BPTF: variants seen among roughly 807,000 people sequenced by gnomAD.
BPTF encodes the protein bromodomain PHD finger transcription factor, also known as nucleosome-remodeling factor subunit BPTF.
In BPTF, 18 loss-of-function variants were observed where a neutral mutation model predicts 292.5. That is an observed-to-expected ratio of 0.06 (90% CI 0.04 to 0.09). The LOEUF (loss-of-function observed/expected upper bound fraction) is 0.09. Among genes scored for constraint, BPTF ranks in the 10% least tolerant of loss-of-function variants. BPTF has a pLI of 1.00. For synonymous variants in BPTF, 1,225 were observed against 1,251.9 expected, an observed-to-expected ratio of 0.98 and a Z score of 0.45; for missense variants, 2,726 against 3,498.7, an observed-to-expected ratio of 0.78 and a Z score of 5.57.
chr17:67,930,677 C>A (rs1467278741), intron 17 of BPTF, among the ~76,000 whole-genome samples: 1 of 152,130 alleles, frequency 6.6e-6, no homozygotes, highest in Non-Finnish European at 1.5e-5. Flanking sequence ...GGGGCAGTAG[C>A]TCAAGCCTGT....
intron 4 of BPTF, among the ~76,000 whole-genome samples, chr17:67,884,138 CTTTTT>C (rs200471908): frequency 8.8e-4 from 118 of 134,476 alleles, no homozygotes; most frequent in African/African-American, 2.9e-3. Flanking sequence ...CATTTTCTTT[CTTTTT>C]TTTTTTTTTT....
chr17:67,875,936 CTCA>C (rs2092080512), intron 4 of BPTF, among the ~76,000 whole-genome samples: 1 of 152,166 alleles, frequency 6.6e-6, no homozygotes. Context: ...GTGCTTGAAA[CTCA>C]TCATAATTTT....
rs2062011664 is a variant in BPTF, at chr17:67,903,904, C to T, written c.2659C>T (p.Pro887Ser). 6.3e-7 allele frequency: 1 copy of T among 1,584,220 alleles called. No individual in the cohort carries two copies. The highest frequency in any genetic ancestry group is 8.5e-7 in the Non-Finnish European group (1 of 1,172,046). ...QQATWVKYTFPVKHQVWKQKG... is the reference protein window; with the variant it reads ...QQATWVKYTFSVKHQVWKQKG... The stretch of plus-strand genomic sequence containing the variant: ...AGCGACATGGGTAAAATACACATTT[C>T]CAGTTAAGCATCAGGTAATTTTTAC... Residue 887 changes from proline to serine, a missense_variant, in exon 8 of 28, where the codon CCA becomes TCA. By Grantham distance (74) the Pro-to-Ser change is moderately conservative. Around this residue, in one of 22 missense-constraint regions of BPTF, gnomAD observed 99 missense variants for 227.1 expected, o/e 0.44. Coordinates refer to ENST00000306378, the MANE Select transcript of BPTF (RefSeq NM_182641.4).
intron 7 of BPTF, among the ~76,000 whole-genome samples, chr17:67,895,214 TC>T (rs986940975): frequency 1.2e-4 from 18 of 151,144 alleles, no homozygotes; most frequent in African/African-American, 4.1e-4. Context: ...ATGCCTGTAG[TC>T]CCAGGTACTC....
chr17:67,953,401 G>A (rs1474448219), intron 23 of BPTF, among the ~76,000 whole-genome samples: 39 of 151,050 alleles, frequency 2.6e-4, no homozygotes, highest in African/African-American at 8.8e-4. Flanking sequence ...GATTACAGGC[G>A]CCCACCACTG....
At chr17:67,973,347 C>T in intron 26 of BPTF, among the ~76,000 whole-genome samples, 1 of 150,434 alleles carries the variant, frequency 6.6e-6, no homozygotes, top group East Asian at 2.0e-4. Context: ...GCACTCCAGC[C>T]TGGGCGACAG....
rs924482113 is a variant in BPTF, at chr17:67,947,751, T to C, written c.7643T>C (p.Ile2548Thr). Residue 2548 changes from isoleucine to threonine, a missense_variant, in exon 22 of 28, where the codon ATA (isoleucine) becomes ACA (threonine). Transcript: ENST00000306378. ...KQVVMKHNAVIEHLKQKKSMT... is the reference protein window; with the variant it reads ...KQVVMKHNAVTEHLKQKKSMT... Reference sequence around the variant, plus strand: ...GTGGTGATGAAGCATAATGCTGTAATAGAACATTTAAAACAGAAAAAGAGC... The same window carrying C: ...GTGGTGATGAAGCATAATGCTGTAACAGAACATTTAAAACAGAAAAAGAGC... The C allele has an allele frequency of 6.4e-7, 1 of 1,554,994 alleles. No homozygotes were observed. Among genetic ancestry groups the C allele is most frequent in the Non-Finnish European group, 8.7e-7 (1 of 1,148,446 alleles).
In BPTF at chr17:67,893,568, G is replaced by A. The variant is rs1471771754; in HGVS notation, c.2254G>A (p.Ala752Thr). The A allele has an allele frequency of 6.2e-7, 1 of 1,613,894 alleles. No homozygotes were observed. The highest frequency in any genetic ancestry group is 8.5e-7 in the Non-Finnish European group (1 of 1,179,808). The stretch of plus-strand genomic sequence containing the variant: ...AGACCATGATAAGAGAAGGCATCTT[G>A]CACATAAGTTCTGTCTGACTCCAGC... ...REDHDKRRHL[A>T]HKFCLTPAGE... Residue 752 changes from alanine to threonine, a missense_variant, in exon 6 of 28, where the codon GCA becomes ACA. Physicochemically the swap from Ala to Thr is moderately conservative, Grantham distance 58. Around this residue, in one of 22 missense-constraint regions of BPTF, gnomAD observed 99 missense variants for 227.1 expected, o/e 0.44. Coordinates refer to ENST00000306378, the MANE Select transcript of BPTF (RefSeq NM_182641.4).
At chr17:67,867,591 A>C (rs2059462281) in intron 3 of BPTF, among the ~76,000 whole-genome samples, 1 of 152,122 alleles carries the variant, frequency 6.6e-6, no homozygotes, top group African/African-American at 2.4e-5. Flanking sequence ...CTTGATATTT[A>C]GTCATCATGT....
intron 4 of BPTF, among the ~76,000 whole-genome samples, chr17:67,891,298 C>T (rs1315814430): frequency 6.6e-6 from 1 of 152,064 alleles, no homozygotes; most frequent in East Asian, 1.9e-4. Flanking sequence ...GTTGAGAGGT[C>T]TTTATTAGGT....
chr17:67,931,110 CA>C (rs2064348821), intron 17 of BPTF, among the ~76,000 whole-genome samples: 1 of 152,046 alleles, frequency 6.6e-6, no homozygotes, highest in African/African-American at 2.4e-5. Context: ...GCTAAAAATA[CA>C]AAAATTAGCT....
intron 27 of BPTF, among the ~76,000 whole-genome samples, chr17:67,978,401 C>T (rs1352370271): frequency 6.6e-6 from 1 of 150,714 alleles, no homozygotes; most frequent in African/African-American, 2.4e-5. Context: ...TGGGTTCAAG[C>T]AATTCTGCTG....
intron 23 of BPTF, among the ~76,000 whole-genome samples, chr17:67,955,061 G>A (rs773405496): frequency 2.0e-5 from 3 of 150,542 alleles, no homozygotes; most frequent in Middle Eastern, 3.4e-3. Context: ...AGGCCGAGGC[G>A]GGCGGATCAC....
At chr17:67,976,194 C>T (rs1016098562) in intron 27 of BPTF, 5 of 290,150 alleles carry the variant, frequency 1.7e-5, no homozygotes, top group Non-Finnish European at 2.5e-5. Context: ...AAGAAGTGGC[C>T]GGGCATAGTG....
intron 2 of BPTF, among the ~76,000 whole-genome samples, chr17:67,865,946 A>C (rs1230149943): frequency 6.6e-6 from 1 of 152,154 alleles, no homozygotes; most frequent in Admixed American, 6.5e-5. Flanking sequence ...TTTTGTTAGA[A>C]ATATTTCTAA....
intron 18 of BPTF, 148 bp from the exon 19 acceptor site, chr17:67,940,291 A>C (rs898929934): frequency 2.7e-6 from 2 of 728,042 alleles, no homozygotes; most frequent in Non-Finnish European, 4.5e-6. Context: ...GGATGTGGGT[A>C]TATGTCTGAA....
At chr17:67,826,972 G>C (rs931561731) in intron 1 of BPTF, among the ~76,000 whole-genome samples, 9 of 152,078 alleles carry the variant, frequency 5.9e-5, no homozygotes, top group Non-Finnish European at 2.9e-5. Context: ...GTGCTAATGG[G>C]CCCGTGCAAC....
intron 26 of BPTF, among the ~76,000 whole-genome samples, chr17:67,971,483 TAAA>T (rs782720627): frequency 7.1e-6 from 1 of 140,548 alleles, no homozygotes. Context: ...ACGCTGTCTT[TAAA>T]AAAAAAAAAA....
intron 1 of BPTF, among the ~76,000 whole-genome samples, chr17:67,842,896 A>G (rs1320851535): frequency 6.6e-6 from 1 of 151,502 alleles, no homozygotes; most frequent in East Asian, 1.9e-4. Context: ...CTGCTGTAAA[A>G]TAAATATAAA....
Sources: gnomAD v4.1 joint callset for allele counts (sites outside exome capture counted in the v4.1 genomes callset) on GRCh38, gnomAD v4.1.1 for gene constraint, gnomAD v4.1.1 regional missense constraint, MANE v1.5 for transcripts, NCBI Gene and HGNC (gene_info 2026-07-23, HGNC 2026-07-21) for gene names.